Variants in PRRG4 observed in about 807,000 individuals in gnomAD.
PRRG4 encodes proline rich and Gla domain 4, also known as transmembrane gamma-carboxyglutamic acid protein 4.
PRRG4 carries 12 observed loss-of-function variants against 20.0 expected under a neutral mutation model. That is an observed-to-expected ratio of 0.60 (90% CI 0.38 to 0.97). PRRG4 has a LOEUF of 0.97. Ranked by LOEUF, PRRG4 falls within the 50% of genes least tolerant of loss-of-function variation. The pLI is 0.00. For missense variants in PRRG4, 199 were observed against 265.1 expected (o/e 0.75, Z 1.73); for synonymous variants, 94 against 96.4 (o/e 0.98, Z 0.15).
At position 32,853,865 on chromosome 11, in the gene PRRG4, G is replaced by A. The variant is rs1851206589; in HGVS notation, c.*338G>A. 1.6e-5 allele frequency: 3 copies of A among 182,786 alleles called. No individual in the cohort carries two copies. The highest frequency in any genetic ancestry group is 1.1e-4 in the Admixed American group (2 of 17,960). 11.3% of individuals were successfully genotyped at this position (182,786 alleles called of 1,614,324 possible). A position where few individuals can be genotyped will look rare whatever the true frequency, so the allele number is the denominator to read the frequency against. On this transcript the variant is annotated 3_prime_UTR_variant, in exon 6 of 6. Coordinates refer to ENST00000257836, the MANE Select transcript of PRRG4 (RefSeq NM_024081.6). ...AAAAAAGAAAGAAAGAAAAGAAGAA[G>A]AAAAGAGAAGAAGGAGAAGGAGATG... is the stretch of plus-strand genomic sequence containing the variant.
chr11:32,857,573 T>G lies in PRRG4; in HGVS notation c.*4046T>G, dbSNP rs1233579650. The G allele has an allele frequency of 5.3e-5, 8 of 152,250 alleles. No individual in the cohort carries two copies. Among genetic ancestry groups the G allele is most frequent in the Admixed American group, 3.9e-4 (6 of 15,284 alleles). 9.4% of individuals were successfully genotyped at this position (152,250 alleles called of 1,614,324 possible). A position where few individuals can be genotyped will look rare whatever the true frequency, so the allele number is the denominator to read the frequency against. On this transcript the variant is annotated 3_prime_UTR_variant, in exon 6 of 6. Transcript: ENST00000257836. Reference sequence around the variant, plus strand: ...GGTTTCAAGTTTGCCTCTAAAATTCTAATCCATATTTTTCTACTTCTCAGA... The same window carrying G: ...GGTTTCAAGTTTGCCTCTAAAATTCGAATCCATATTTTTCTACTTCTCAGA...
chr11:32,847,269 T>A (rs1046735118), intron 5 of PRRG4, among the ~76,000 whole-genome samples: 21 of 151,962 alleles, frequency 1.4e-4, no homozygotes, highest in African/African-American at 5.1e-4. Context: ...CAAGAAAGGA[T>A]AAAACAACAA....
rs1851221311 is a variant in PRRG4 at position 32,855,380 on chromosome 11, T to G, written c.*1853T>G. The G allele has an allele frequency of 3.3e-5, 1 of 29,864 alleles. No individual in the cohort carries two copies. The highest frequency in any genetic ancestry group is 5.0e-5 in the Non-Finnish European group (1 of 20,082). 1.8% of individuals were successfully genotyped at this position (29,864 alleles called of 1,614,324 possible). A position where few individuals can be genotyped will look rare whatever the true frequency, so the allele number is the denominator to read the frequency against. On this transcript the variant is annotated 3_prime_UTR_variant, in exon 6 of 6. Transcript: ENST00000257836. ...AGAATAGAAATTTCTGTGCTTTATG[T>G]TTTTGCCAGGCTATTACATTTTCTT... is the stretch of plus-strand genomic sequence containing the variant.
At chr11:32,848,377 A>G (rs907471990) in intron 5 of PRRG4, among the ~76,000 whole-genome samples, 1 of 152,112 alleles carries the variant, frequency 6.6e-6, no homozygotes, top group South Asian at 2.1e-4. Flanking sequence ...ATGAGTTTTG[A>G]GCGGGGCAAA....
Position 32,840,855 on chromosome 11 carries a change from C to A in PRRG4, c.449+616C>A, listed in dbSNP as rs541698670. Among the ~76,000 whole-genome samples the A allele has an allele frequency of 2.6e-5, 4 of 152,216 alleles. No homozygotes were observed. The highest frequency in any genetic ancestry group is 4.8e-5 in the African/African-American group (2 of 41,532). On this transcript the variant is annotated intron_variant, in intron 5 of 5. Transcript: ENST00000257836. The surrounding 1 kb of genome is among the most constrained non-coding windows in gnomAD (Gnocchi z 4.1). ...ACCCAAATAGAAACAGTGTAACTGG[C>A]TTTTAAATTCAACTATTTTTATTAA...
intron 5 of PRRG4, among the ~76,000 whole-genome samples, chr11:32,849,114 G>A (rs1851158382): frequency 6.6e-6 from 1 of 152,110 alleles, no homozygotes; most frequent in African/African-American, 2.4e-5. Context: ...TATAATCCTA[G>A]TACTTTGGGA....
chr11:32,852,554 A>C (rs1302402737), intron 5 of PRRG4, among the ~76,000 whole-genome samples: 6 of 152,150 alleles, frequency 3.9e-5, no homozygotes, highest in Admixed American at 2.6e-4. Flanking sequence ...ACTTTCAAAA[A>C]GTTTTAATCC....
In PRRG4 at chr11:32,853,388, T is replaced by C; in HGVS notation, c.542T>C (p.Val181Ala). 6.2e-7 allele frequency: 1 copy of C among 1,614,062 alleles called. No homozygotes were observed. Among genetic ancestry groups the C allele is most frequent in the Non-Finnish European group, 8.5e-7 (1 of 1,179,990 alleles). ...GCCTTGTCTCCATTGCCGCCTTCTGTGGAGGATGCAGGATTACCTTCTTAT... is the reference window on the plus strand; with the variant it reads ...GCCTTGTCTCCATTGCCGCCTTCTGCGGAGGATGCAGGATTACCTTCTTAT... ...EAALSPLPPS[V>A]EDAGLPSYEQ... Residue 181 changes from valine to alanine, a missense_variant, in exon 6 of 6, where the codon GTG becomes GCG. By Grantham distance (64) the Val-to-Ala change is moderately conservative (BLOSUM62 0). Transcript: ENST00000257836.
intron 5 of PRRG4, among the ~76,000 whole-genome samples, chr11:32,852,107 T>G (rs1794366377): frequency 6.6e-6 from 1 of 152,192 alleles, no homozygotes; most frequent in South Asian, 2.1e-4. Flanking sequence ...CATATATTTT[T>G]TTTTAAGTGT....
At chr11:32,841,186 T>C (rs531288979) in intron 5 of PRRG4, among the ~76,000 whole-genome samples, 13 of 152,324 alleles carry the variant, frequency 8.5e-5, no homozygotes, top group African/African-American at 1.9e-4. Context: ...TGTTACTTTC[T>C]TTTATGATAA....
intron 5 of PRRG4, among the ~76,000 whole-genome samples, chr11:32,850,841 A>G (rs1851176506): frequency 6.6e-6 from 1 of 152,164 alleles, no homozygotes; most frequent in Non-Finnish European, 1.5e-5. Flanking sequence ...AGGCCGAAAC[A>G]GGTGGATCAC....
chr11:32,854,911 A>G lies in PRRG4; in HGVS notation c.*1384A>G, dbSNP rs995826216. On this transcript the variant is annotated 3_prime_UTR_variant, in exon 6 of 6. Coordinates refer to ENST00000257836, the MANE Select transcript of PRRG4 (RefSeq NM_024081.6). ...GTTATGCTATCAAATAAACAGACCT[A>G]AAATCTAGGAGACACTAGAACTTAA... The G allele has an allele frequency of 6.6e-6, 1 of 152,244 alleles. No individual in the cohort carries two copies. Among genetic ancestry groups the G allele is most frequent in the Non-Finnish European group, 1.5e-5 (1 of 68,044 alleles). 9.4% of individuals were successfully genotyped at this position (152,244 alleles called of 1,614,324 possible).
intron 5 of PRRG4, among the ~76,000 whole-genome samples, chr11:32,841,743 A>C (rs1452621579): frequency 6.6e-6 from 1 of 152,082 alleles, no homozygotes; most frequent in Non-Finnish European, 1.5e-5. Context: ...CTAGGAAGTC[A>C]AGGCTGGAGT....
chr11:32,854,593 A>G lies in PRRG4; in HGVS notation c.*1066A>G, dbSNP rs1851214018. 6.6e-6 allele frequency: 1 copy of G among 151,186 alleles called. No individual in the cohort carries two copies. The highest frequency in any genetic ancestry group is 6.6e-5 in the Admixed American group (1 of 15,132). The allele number at this position is 151,186 out of a possible 1,614,324, so 9.4% of individuals were successfully genotyped here. A position where few individuals can be genotyped will look rare whatever the true frequency, so the allele number is the denominator to read the frequency against. On this transcript the variant is annotated 3_prime_UTR_variant, in exon 6 of 6. Coordinates refer to ENST00000257836, the MANE Select transcript of PRRG4 (RefSeq NM_024081.6). ...AAAAAAAAAAAGATTATCCAAAAAG[A>G]TATTGGACCTACTCTTTCTTAGGAT...
chr11:32,850,568 G>A (rs191489113), intron 5 of PRRG4, among the ~76,000 whole-genome samples: 14 of 152,192 alleles, frequency 9.2e-5, no homozygotes, highest in Middle Eastern at 6.8e-3. Context: ...TCCAAACTTG[G>A]TTTACTAGAC....
In PRRG4 at chr11:32,853,872, G is replaced by A; in HGVS notation, c.*345G>A. ...AAAGAAAGAAAAGAAGAAGAAAAGAGAAGAAGGAGAAGGAGATGAAGGAGG... is the reference window on the plus strand; with the variant it reads ...AAAGAAAGAAAAGAAGAAGAAAAGAAAAGAAGGAGAAGGAGATGAAGGAGG... On this transcript the variant is annotated 3_prime_UTR_variant, in exon 6 of 6. Transcript: ENST00000257836. The A allele has an allele frequency of 2.7e-5, 5 of 182,078 alleles. No homozygotes were observed. Among genetic ancestry groups the A allele is most frequent in the Non-Finnish European group, 5.8e-5 (5 of 85,808 alleles). 11.3% of individuals were successfully genotyped at this position (182,078 alleles called of 1,614,324 possible). A position where few individuals can be genotyped will look rare whatever the true frequency, so the allele number is the denominator to read the frequency against.
chr11:32,845,548 C>T (rs1218962159), intron 5 of PRRG4, among the ~76,000 whole-genome samples: 3 of 151,080 alleles, frequency 2.0e-5, no homozygotes, highest in Non-Finnish European at 4.4e-5. Context: ...AGGAGAGTGG[C>T]GTGAACCCGG....
At chr11:32,837,352 T>A (rs767987358) in intron 3 of PRRG4, among the ~76,000 whole-genome samples, 3 of 152,046 alleles carry the variant, frequency 2.0e-5, no homozygotes, top group Admixed American at 1.3e-4. Flanking sequence ...TATTCGGAAG[T>A]ATATTATTTG....
chr11:32,847,746 G>T (rs1356280404), intron 5 of PRRG4, among the ~76,000 whole-genome samples: 1 of 152,176 alleles, frequency 6.6e-6, no homozygotes, highest in Non-Finnish European at 1.5e-5. Context: ...GATGGAAATA[G>T]CCCAAGTGTC....
Sources: gnomAD v4.1 joint callset for allele counts (sites outside exome capture counted in the v4.1 genomes callset) on GRCh38, gnomAD v4.1.1 for gene constraint, Gnocchi (gnomAD v3.1) non-coding constraint, MANE v1.5 for transcripts, NCBI Gene and HGNC (gene_info 2026-07-23, HGNC 2026-07-21) for gene names.